The following STAT5A variants were observed in gnomAD, a reference collection of about 807,000 sequenced individuals.
STAT5A encodes the protein signal transducer and activator of transcription 5A.
Under a neutral mutation model 100.2 loss-of-function variants are expected in STAT5A, and 26 were observed. The ratio of observed to expected loss-of-function variants is 0.26; its 90% CI spans 0.19 to 0.36. STAT5A has a LOEUF of 0.36. Ranked by LOEUF, STAT5A falls within the 10% of genes least tolerant of loss-of-function variation. STAT5A has a pLI of 1.00. For synonymous variants in STAT5A, 330 were observed against 424.3 expected, an observed-to-expected ratio of 0.78 and a Z score of 2.73; for missense variants, 634 against 1,027.5, an observed-to-expected ratio of 0.62 and a Z score of 5.24.
chr17:42,302,327 C>T (rs570828542), intron 9 of STAT5A, among the ~76,000 whole-genome samples: 92 of 152,270 alleles, frequency 6.0e-4, no homozygotes, highest in African/African-American at 2.1e-3. Flanking sequence ...ATGGTGTAGC[C>T]ATGTGGCAGG....
rs142985455 is a variant in STAT5A at position 42,301,513 on chromosome 17, G to C, written c.1169+59G>C. 3 of 1,597,224 alleles carry C rather than the reference G, an allele frequency of 1.9e-6. No homozygotes were observed. In the African/African-American group the frequency reaches 4.0e-5, roughly 21 times the overall value. On this transcript the variant is annotated intron_variant, in intron 9 of 18. Coordinates refer to ENST00000590949, the MANE Select transcript of STAT5A (RefSeq NM_001288718.2). Reference sequence around the variant, plus strand: ...TAGGTGTGGGGGACCTGCACCCCCCGCTTTGTCCTTGCATCCAGCTATGTC... The same window carrying C: ...TAGGTGTGGGGGACCTGCACCCCCCCCTTTGTCCTTGCATCCAGCTATGTC...
intron 9 of STAT5A, 45 bp downstream of exon 9, chr17:42,301,499 G>A (rs1285362331): frequency 1.2e-6 from 2 of 1,608,440 alleles, no homozygotes; most frequent in Non-Finnish European, 8.5e-7. Flanking sequence ...AGGTGTGGGG[G>A]ACCTGCACCC....
intron 18 of STAT5A, among the ~76,000 whole-genome samples, chr17:42,309,885 A>C (rs1406561851): frequency 6.6e-6 from 1 of 152,176 alleles, no homozygotes; most frequent in Non-Finnish European, 1.5e-5. Context: ...GGTGGGAACA[A>C]GGTAGATAAT....
chr17:42,301,137 C>G (rs2080973984), intron 8 of STAT5A, 138 bp from the exon 9 acceptor site: 1 of 1,431,420 alleles, frequency 7.0e-7, no homozygotes, highest in Non-Finnish European at 9.5e-7. Flanking sequence ...CACAGCTTCC[C>G]CGGGAACAGA....
At chr17:42,310,074 C>T (rs376925216) in intron 18 of STAT5A, among the ~76,000 whole-genome samples, 7 of 152,216 alleles carry the variant, frequency 4.6e-5, no homozygotes, top group African/African-American at 1.7e-4. Context: ...GGTCAATACC[C>T]ACTCTCCAGT....
chr17:42,304,737 C>T lies in STAT5A; in HGVS notation c.1380+85C>T. On this transcript the variant is annotated intron_variant, in intron 11 of 18. Coordinates refer to ENST00000590949, the MANE Select transcript of STAT5A (RefSeq NM_001288718.2). This position sits in a 1 kb window ranked among gnomAD's most constrained non-coding sequence, Gnocchi z 4.8. ...TGCCTCAGGACTCCTGGCAGCAATG[C>T]CATCGGACAGCCTGCTTTGACTCTG... 6.3e-7 allele frequency: 1 copy of T among 1,576,966 alleles called. No individual in the cohort carries two copies. Among genetic ancestry groups the T allele is most frequent in the South Asian group, 1.2e-5 (1 of 84,338 alleles).
At chr17:42,306,518 G>C (rs1045845564) in intron 13 of STAT5A, 71 bp downstream of exon 13, 1 of 1,552,214 alleles carries the variant, frequency 6.4e-7, no homozygotes. Context: ...TCACAGACAG[G>C]TTACTGCCTG....
chr17:42,309,543 G>A, intron 18 of STAT5A, 59 bp downstream of exon 18: 2 of 1,554,920 alleles, frequency 1.3e-6, no homozygotes, highest in Admixed American at 1.8e-5. Flanking sequence ...CCCCAGGCTG[G>A]ACTCCTGGAG....
chr17:42,295,672 G>C lies in STAT5A; in HGVS notation c.429G>C (p.Gln143His). ...ACGCCATGTCCCAGAAGCACCTTCA[G>C]ATCAACCAGACATTTGAGGAGCTGC... ...LVDAMSQKHLQINQTFEELRL... is the reference protein window; with the variant it reads ...LVDAMSQKHLHINQTFEELRL... Residue 143 changes from glutamine (Q) to histidine (H), a missense_variant, in exon 5 of 19, where the codon CAG (glutamine) becomes CAC (histidine). By Grantham distance (24) the Gln-to-His change is conservative. Around this residue, in one of 5 missense-constraint regions of STAT5A, gnomAD observed 207 missense variants for 256.6 expected, o/e 0.81. Coordinates refer to ENST00000590949, the MANE Select transcript of STAT5A (RefSeq NM_001288718.2). 1.9e-6 allele frequency: 3 copies of C among 1,613,978 alleles called. No homozygotes were observed. The highest frequency in any genetic ancestry group is 2.5e-6 in the Non-Finnish European group (3 of 1,179,962).
intron 4 of STAT5A, among the ~76,000 whole-genome samples, chr17:42,293,709 C>T (rs903727693): frequency 2.0e-5 from 3 of 152,224 alleles, no homozygotes; most frequent in Non-Finnish European, 4.4e-5. Context: ...GCACCCAACT[C>T]AGATTGGGGC....
At chr17:42,303,041 T>A (rs1049684696) in intron 9 of STAT5A, among the ~76,000 whole-genome samples, 1 of 149,410 alleles carries the variant, frequency 6.7e-6, no homozygotes, top group Non-Finnish European at 1.5e-5. Flanking sequence ...AGGTCAGGAG[T>A]TCGAGACCAG....
In STAT5A at chr17:42,296,621, C is replaced by CTTCTT. The variant is rs754933250; in HGVS notation, c.550+840_550+844dup. On this transcript the variant is annotated intron_variant, in intron 5 of 18. Coordinates refer to ENST00000590949, the MANE Select transcript of STAT5A (RefSeq NM_001288718.2). The stretch of plus-strand genomic sequence containing the variant: ...CTTAGGTCATTGATTTTAGACCTTT[C>CTTCTT]TTCTTTTCTTTTCTTTCTTTTTCTT... Among the ~76,000 whole-genome samples the CTTCTT allele has an allele frequency of 1.4e-3, 209 of 152,136 alleles. 2 individuals carry two copies. Among genetic ancestry groups the CTTCTT allele is most frequent in the East Asian group, 3.9e-3 (20 of 5,174 alleles).
intron 13 of STAT5A, 119 bp downstream of exon 13, chr17:42,306,566 C>T: frequency 1.3e-6 from 2 of 1,485,280 alleles, no homozygotes; most frequent in Middle Eastern, 1.7e-4. Flanking sequence ...ACCACTCTCT[C>T]CTACAACCAG....
At chr17:42,298,310 G>A (rs1364739312) in intron 5 of STAT5A, among the ~76,000 whole-genome samples, 1 of 151,808 alleles carries the variant, frequency 6.6e-6, no homozygotes, top group Non-Finnish European at 1.5e-5. Context: ...ACAGGCATGC[G>A]CCACCATGCC....
rs746918953 is a variant in STAT5A at position 42,301,468 on chromosome 17, T to G, written c.1169+14T>G. ...GAACACCCGCAAGTAATTGTGCCTC[T>G]CCCTTCCCCTGCCCAAGCTTAGGTG... On this transcript the variant is annotated intron_variant, in intron 9 of 18. Coordinates refer to ENST00000590949, the MANE Select transcript of STAT5A (RefSeq NM_001288718.2). 14 of 1,613,864 alleles carry G rather than the reference T, an allele frequency of 8.7e-6. No homozygotes were observed. The highest frequency in any genetic ancestry group is 1.1e-5 in the Non-Finnish European group (13 of 1,179,928).
chr17:42,306,585 G>A lies in STAT5A; in HGVS notation c.1680+138G>A, dbSNP rs986812271. On this transcript the variant is annotated intron_variant, in intron 13 of 18. Transcript: ENST00000590949. ...CTCTCTCCTACAACCAGGAGAGATG[G>A]GGGCCCCTAGCCTCAAGAAATGCAG... 8.0e-6 allele frequency: 11 copies of A among 1,373,780 alleles called. No homozygotes were observed. The East Asian group carries it at 2.5e-4, about 31-fold the overall frequency. 85.1% of individuals were successfully genotyped at this position (1,373,780 alleles called of 1,614,324 possible).
chr17:42,304,276 G>T lies in STAT5A; in HGVS notation c.1170-66G>T. 2 of 1,511,238 alleles carry T rather than the reference G, an allele frequency of 1.3e-6. No homozygotes were observed. Among genetic ancestry groups the T allele is most frequent in the Non-Finnish European group, 1.8e-6 (2 of 1,090,010 alleles). 93.6% of individuals were successfully genotyped at this position (1,511,238 alleles called of 1,614,324 possible). On this transcript the variant is annotated intron_variant, in intron 9 of 18. Coordinates refer to ENST00000590949, the MANE Select transcript of STAT5A (RefSeq NM_001288718.2). This position sits in a 1 kb window ranked among gnomAD's most constrained non-coding sequence, Gnocchi z 4.8. ...ACCTGAGCGAAGACCCCAGCCCGAGGTGTGGACAGGACCATGCTCCTGGCC... is the reference window on the plus strand; with the variant it reads ...ACCTGAGCGAAGACCCCAGCCCGAGTTGTGGACAGGACCATGCTCCTGGCC...
At position 42,308,269 on chromosome 17, in the gene STAT5A, C is replaced by A; in HGVS notation, c.1998C>A (p.Leu666=). ...ACCGGCTGGGGGACCTGAGCTATCT[C>A]ATCTATGTGTTTCCTGACCGCCCCA... ...LADRLGDLSY[L]IYVFPDRPKD... is the part of the protein sequence containing the mutation. Residue 666 remains leucine, a synonymous_variant, in exon 16 of 19, where the codon CTC becomes CTA. Transcript: ENST00000590949. This position sits in a 1 kb window ranked among gnomAD's most constrained non-coding sequence, Gnocchi z 4.6. 2 of 1,614,238 alleles carry A rather than the reference C, an allele frequency of 1.2e-6. No individual in the cohort carries two copies. Among genetic ancestry groups the A allele is most frequent in the Non-Finnish European group, 1.7e-6 (2 of 1,180,036 alleles).
Position 42,304,790 on chromosome 17 carries a change from T to A in STAT5A, c.1380+138T>A. On this transcript the variant is annotated intron_variant, in intron 11 of 18. Coordinates refer to ENST00000590949, the MANE Select transcript of STAT5A (RefSeq NM_001288718.2). This position sits in a 1 kb window ranked among gnomAD's most constrained non-coding sequence, Gnocchi z 4.8. ...GGTCCCTGTTTGATAGGTTATAATC[T>A]GGGACTAACCCAGACAATTTAGGCA... The A allele has an allele frequency of 7.3e-7, 1 of 1,375,254 alleles. No individual in the cohort carries two copies. Among genetic ancestry groups the A allele is most frequent in the Admixed American group, 2.2e-5 (1 of 44,558 alleles). The allele number at this position is 1,375,254 out of a possible 1,614,324, so 85.2% of individuals were successfully genotyped here.
Sources: allele counts gnomAD v4.1 joint callset (sites outside exome capture counted in the v4.1 genomes callset), GRCh38; gene constraint gnomAD v4.1.1; regional missense constraint gnomAD v4.1.1; non-coding constraint Gnocchi (gnomAD v3.1); transcripts MANE v1.5; gene names NCBI Gene and HGNC (gene_info 2026-07-23, HGNC 2026-07-21).